The following NOP53 variants were observed in gnomAD, a reference collection of about 807,000 sequenced individuals.
The protein encoded by NOP53 is NOP53 ribosome biogenesis factor.
A neutral mutation model predicts 61.0 loss-of-function variants in NOP53; 40 were observed. The ratio of observed to expected loss-of-function variants is 0.66; its 90% confidence interval spans 0.51 to 0.85. The LOEUF (loss-of-function observed/expected upper bound fraction) is 0.85. NOP53 is among the 40% of genes least tolerant of loss of function. The pLI is 0.00. For missense variants in NOP53, 689 were observed against 652.9 expected, an observed-to-expected ratio of 1.06 and a Z score of -0.60; for synonymous variants, 308 against 289.5, an observed-to-expected ratio of 1.06 and a Z score of -0.65.
intron 8 of NOP53, 84 bp from the exon 9 acceptor site, chr19:47,755,264 G>T: frequency 2.1e-6 from 2 of 934,282 alleles, no homozygotes; most frequent in Non-Finnish European, 3.0e-6. Context: ...GCAGGTTTGT[G>T]CAGGGAAGGC....
At chr19:47,745,874 G>A in intron 1 of NOP53, 91 bp downstream of exon 1, 2 of 295,282 alleles carry the variant, frequency 6.8e-6, no homozygotes. Flanking sequence ...GGGGGTCGGG[G>A]GTCGGGGGTC....
Position 47,754,999 on chromosome 19 carries a change from C to T in NOP53, c.1053+108C>T, listed in dbSNP as rs1599920580. The T allele has an allele frequency of 3.8e-6, 4 of 1,044,954 alleles. No individual in the cohort carries two copies. In the East Asian group the frequency reaches 1.1e-4, roughly 29 times the overall value. The allele number at this position is 1,044,954 out of a possible 1,614,324, so 64.7% of individuals were successfully genotyped here. ...TGCGGGCAGCCTGCACACCCCAAGC[C>T]CCGCATGTGGCCTGTGGTTTGGGCT... On this transcript the variant is annotated intron_variant, in intron 8 of 12. Coordinates refer to ENST00000246802, the MANE Select transcript of NOP53 (RefSeq NM_015710.5). The surrounding 1 kb of genome is among the most constrained non-coding windows in gnomAD (Gnocchi z 4.2).
chr19:47,750,786 C>A, intron 3 of NOP53, 122 bp from the exon 4 acceptor site: 1 of 782,370 alleles, frequency 1.3e-6, no homozygotes, highest in Non-Finnish European at 2.2e-6. Flanking sequence ...CGGAGTGCCA[C>A]CTTTTGGAGA....
At position 47,751,041 on chromosome 19, in the gene NOP53, A is replaced by G. The variant is rs1476417921; in HGVS notation, c.532A>G (p.Thr178Ala). The G allele has an allele frequency of 1.2e-6, 2 of 1,607,260 alleles. No homozygotes were observed. The highest frequency in any genetic ancestry group is 2.2e-5 in the East Asian group (1 of 44,680). Reference protein sequence around the residue: ...AQARLLNPSATRAKPGPQDTV... With the variant: ...AQARLLNPSAARAKPGPQDTV... ...GGCCCGGCTCCTCAACCCTTCTGCA[A>G]CAAGGGCCAAGCCCGGGCCCCAGGA... Residue 178 changes from threonine to alanine, a missense_variant, in exon 4 of 13, where the codon ACA becomes GCA. Coordinates refer to ENST00000246802, the MANE Select transcript of NOP53 (RefSeq NM_015710.5).
intron 12 of NOP53, 107 bp from the exon 13 acceptor site, chr19:47,756,892 G>C (rs1967208323): frequency 6.5e-7 from 1 of 1,540,770 alleles, no homozygotes; most frequent in Non-Finnish European, 9.0e-7. Flanking sequence ...AACCAGAGCG[G>C]GGTTGGGAGG....
In NOP53 at chr19:47,754,915, C is replaced by T. The variant is rs914346285; in HGVS notation, c.1053+24C>T. 17 of 1,485,672 alleles carry T rather than the reference C, an allele frequency of 1.1e-5. No homozygotes were observed. Among genetic ancestry groups the T allele is most frequent in the East Asian group, 2.5e-5 (1 of 40,294 alleles). The allele number at this position is 1,485,672 out of a possible 1,614,324, so 92.0% of individuals were successfully genotyped here. ...TGGTGAGCGCCTGGGCCAGCGGGGC[C>T]TGCCTCTGATGCCTCGCCCCCTTCC... On this transcript the variant is annotated intron_variant, in intron 8 of 12. Transcript: ENST00000246802. This position sits in a 1 kb window ranked among gnomAD's most constrained non-coding sequence, Gnocchi z 4.2.
At chr19:47,751,713 C>T (rs902031228) in intron 5 of NOP53, 123 bp downstream of exon 5, 11 of 773,720 alleles carry the variant, frequency 1.4e-5, no homozygotes, top group Admixed American at 2.1e-5. Flanking sequence ...GAACTCTGTG[C>T]TGGAGCCAGG....
chr19:47,752,423 A>G, intron 5 of NOP53, 89 bp from the exon 6 acceptor site: 1 of 795,762 alleles, frequency 1.3e-6, no homozygotes, highest in Non-Finnish European at 2.1e-6. Flanking sequence ...ACCACTGGCA[A>G]GGCCTGGAGC....
At position 47,754,287 on chromosome 19, in the gene NOP53, A is replaced by T. The variant is rs1223463461; in HGVS notation, c.766-240A>T. The T allele has an allele frequency of 2.1e-6, 1 of 485,796 alleles. No individual in the cohort carries two copies. The highest frequency in any genetic ancestry group is 3.2e-5 in the East Asian group (1 of 31,624). The allele number at this position is 485,796 out of a possible 1,614,324, so 30.1% of individuals were successfully genotyped here. A position where few individuals can be genotyped will look rare whatever the true frequency, so the allele number is the denominator to read the frequency against. On this transcript the variant is annotated intron_variant, in intron 6 of 12. Transcript: ENST00000246802. The surrounding 1 kb of genome is among the most constrained non-coding windows in gnomAD (Gnocchi z 4.2). ...ACAGAAACTCTATCTCAAAAAAAAAATGTGAAGCGTGCAGGTCAGACTGCC... is the reference window on the plus strand; with the variant it reads ...ACAGAAACTCTATCTCAAAAAAAAATTGTGAAGCGTGCAGGTCAGACTGCC...
In NOP53 at chr19:47,754,169, C is replaced by T. The variant is rs930309789; in HGVS notation, c.766-358C>T. On this transcript the variant is annotated intron_variant, in intron 6 of 12. Coordinates refer to ENST00000246802, the MANE Select transcript of NOP53 (RefSeq NM_015710.5). This position sits in a 1 kb window ranked among gnomAD's most constrained non-coding sequence, Gnocchi z 4.2. ...GCACATGCCTGTAATAGTAGCTACT[C>T]GGGAGGCTGAGGCAGGAGAATCGCT... The T allele has an allele frequency of 1.3e-4, 28 of 221,396 alleles. No individual in the cohort carries two copies. Among genetic ancestry groups the T allele is most frequent in the African/African-American group, 4.3e-4 (19 of 43,760 alleles). The allele number at this position is 221,396 out of a possible 1,614,324, so 13.7% of individuals were successfully genotyped here.
intron 2 of NOP53, among the ~76,000 whole-genome samples, chr19:47,747,511 G>C (rs1003024730): frequency 6.6e-6 from 1 of 151,930 alleles, no homozygotes; most frequent in Non-Finnish European, 1.5e-5. Flanking sequence ...TTGTGGTGGC[G>C]GGCACCTGTA....
At chr19:47,755,616 C>A (rs1442289348) in intron 9 of NOP53, 93 bp downstream of exon 9, 2 of 1,260,138 alleles carry the variant, frequency 1.6e-6, no homozygotes, top group African/African-American at 3.0e-5. Flanking sequence ...GAACTGCCCA[C>A]CCCCCCCATC....
intron 10 of NOP53, chr19:47,756,327 C>A (rs1034527100): frequency 1.7e-6 from 1 of 595,696 alleles, no homozygotes; most frequent in East Asian, 2.8e-5. Flanking sequence ...CCTCTAAGCC[C>A]AGCTTAGAGA....
chr19:47,752,311 G>T (rs1599917575), intron 5 of NOP53, among the ~76,000 whole-genome samples: 1 of 152,060 alleles, frequency 6.6e-6, no homozygotes. Flanking sequence ...AATCTCCGGG[G>T]CTCAGCCTCG....
intron 1 of NOP53, 31 bp downstream of exon 1, chr19:47,745,814 A>C: frequency 4.6e-6 from 6 of 1,318,536 alleles, no homozygotes; most frequent in Non-Finnish European, 4.9e-6. Flanking sequence ...GGGAGGTGGG[A>C]CGGTTCCTGC....
chr19:47,756,442 G>A, intron 10 of NOP53, 86 bp from the exon 11 acceptor site: 2 of 1,083,932 alleles, frequency 1.8e-6, no homozygotes, highest in African/African-American at 1.5e-5. Context: ...ACTGCATGGG[G>A]CTGAGCCCTG....
chr19:47,745,621 G>A lies in NOP53; in HGVS notation c.62G>A (p.Gly21Asp). 6.2e-7 allele frequency: 1 copy of A among 1,614,130 alleles called. No homozygotes were observed. Among genetic ancestry groups the A allele is most frequent in the Non-Finnish European group, 8.5e-7 (1 of 1,180,014 alleles). ...AGCTCGAAAAGCGATGCCGATTCTG[G>A]TTTCCTGGGGCTGCGGCCCACTTCG... Reference protein sequence around the residue: ...KRSSKSDADSGFLGLRPTSVD... With the variant: ...KRSSKSDADSDFLGLRPTSVD... The change falls in exon 1 of 13, where the codon GGT becomes GAT. Residue 21 changes from glycine (G) to aspartate (D), a missense_variant. Transcript: ENST00000246802.
chr19:47,756,501 G>T (rs762377286), intron 10 of NOP53, 27 bp from the exon 11 acceptor site: 1 of 1,601,458 alleles, frequency 6.2e-7, no homozygotes, highest in Non-Finnish European at 8.5e-7. Context: ...GCCAGGCCCT[G>T]CTGAGGCCTC....
chr19:47,746,768 G>C, intron 1 of NOP53, 199 bp from the exon 2 acceptor site: 1 of 489,510 alleles, frequency 2.0e-6, no homozygotes, highest in African/African-American at 2.0e-5. Context: ...CTCCCAAAGT[G>C]CTGGGATTAC....
Sources: gnomAD v4.1 joint callset for allele counts (sites outside exome capture counted in the v4.1 genomes callset) on GRCh38, gnomAD v4.1.1 for gene constraint, Gnocchi (gnomAD v3.1) non-coding constraint, MANE v1.5 for transcripts, NCBI Gene and HGNC (gene_info 2026-07-23, HGNC 2026-07-21) for gene names.